PPM1G: variants seen among roughly 807,000 people sequenced by gnomAD.
The protein encoded by PPM1G is protein phosphatase 1G.
PPM1G carries 12 observed loss-of-function variants against 59.4 expected under a neutral mutation model. The ratio of observed to expected loss-of-function variants is 0.20; its 90% CI spans 0.13 to 0.33. The LOEUF (loss-of-function observed/expected upper bound fraction) is 0.33, where lower values mean the gene tolerates loss of function less well. PPM1G is among the 10% of genes least tolerant of loss of function. PPM1G has a pLI of 1.00. For synonymous variants in PPM1G, 245 were observed against 251.9 expected (o/e 0.97, Z 0.26); for missense variants, 392 against 681.3 (o/e 0.58, Z 4.73).
At chr2:27,400,773 G>A (rs1684162293) in intron 1 of PPM1G, among the ~76,000 whole-genome samples, 1 of 152,176 alleles carries the variant, frequency 6.6e-6, no homozygotes, top group Admixed American at 6.6e-5. Context: ...AAATGGGAGT[G>A]CCTAAAAGAA....
intron 1 of PPM1G, among the ~76,000 whole-genome samples, 171 bp from the exon 2 acceptor site, chr2:27,387,329 G>A (rs1348653354): frequency 1.3e-5 from 2 of 152,046 alleles, no homozygotes; most frequent in East Asian, 1.9e-4. Context: ...AGAGGAGGGA[G>A]GCAAAGGAGG....
Position 27,385,656 on chromosome 2 carries a change from G to A in PPM1G, c.409+91C>T, listed in dbSNP as rs11883854. 2.0e-6 allele frequency: 3 copies of A among 1,511,528 alleles called. No homozygotes were observed. In the South Asian group the frequency reaches 4.0e-5, roughly 20 times the overall value. The allele number at this position is 1,511,528 out of a possible 1,614,324, so 93.6% of individuals were successfully genotyped here. ...AACATAAGGACTCCCCAGGTCCCTA[G>A]AAAGCCATCCTATCTTAGAATTGAT... On this transcript the variant is annotated intron_variant, in intron 4 of 9. Coordinates refer to ENST00000344034, the MANE Select transcript of PPM1G (RefSeq NM_177983.3). The surrounding 1 kb of genome is among the most constrained non-coding windows in gnomAD (Gnocchi z 4.1).
At position 27,385,740 on chromosome 2, in the gene PPM1G, C is replaced by G; in HGVS notation, c.409+7G>C. The G allele has an allele frequency of 6.2e-7, 1 of 1,608,468 alleles. No homozygotes were observed. Among genetic ancestry groups the G allele is most frequent in the East Asian group, 2.2e-5 (1 of 44,876 alleles). On this transcript the variant is annotated splice_region_variant and intron_variant, in intron 4 of 9. Transcript: ENST00000344034. This position sits in a 1 kb window ranked among gnomAD's most constrained non-coding sequence, Gnocchi z 4.1. Reference sequence around the variant, plus strand: ...ATTTCCCCTCAAACAAGGGATGCCACACTCACCATCATCTTCATCAGCTAC... The same window carrying G: ...ATTTCCCCTCAAACAAGGGATGCCAGACTCACCATCATCTTCATCAGCTAC...
At chr2:27,397,741 T>G (rs1033348927) in intron 1 of PPM1G, among the ~76,000 whole-genome samples, 2 of 152,152 alleles carry the variant, frequency 1.3e-5, no homozygotes, top group African/African-American at 4.8e-5. Flanking sequence ...TGGTGGTGCA[T>G]GCATGTAATC....
chr2:27,387,227 T>A lies in PPM1G; in HGVS notation c.121-69A>T. The A allele has an allele frequency of 3.8e-6, 5 of 1,299,802 alleles. No homozygotes were observed. The South Asian group carries it at 4.8e-5, about 12-fold the overall frequency. 80.5% of individuals were successfully genotyped at this position (1,299,802 alleles called of 1,614,324 possible). ...ATATTCCTCAGGTCATAGGGATCAA[T>A]GTCACCCCTTACTAACCTTTCCCTG... is the stretch of plus-strand genomic sequence containing the variant. On this transcript the variant is annotated intron_variant, in intron 1 of 9. Coordinates refer to ENST00000344034, the MANE Select transcript of PPM1G (RefSeq NM_177983.3).
At chr2:27,391,607 A>C (rs1370800213) in intron 1 of PPM1G, among the ~76,000 whole-genome samples, 2 of 152,080 alleles carry the variant, frequency 1.3e-5, no homozygotes, top group African/African-American at 4.8e-5. Flanking sequence ...ATTTTCTCCC[A>C]TTCTATAGGT....
chr2:27,386,030 A>C, intron 3 of PPM1G, 151 bp from the exon 4 acceptor site: 1 of 1,265,832 alleles, frequency 7.9e-7, no homozygotes, highest in Non-Finnish European at 1.1e-6. Flanking sequence ...AGGAATAATA[A>C]GGCAAGTCTA....
rs1011266201 is a variant in PPM1G at position 27,384,300 on chromosome 2, A to G, written c.826-208T>C. On this transcript the variant is annotated intron_variant, in intron 5 of 9. Transcript: ENST00000344034. The surrounding 1 kb of genome is among the most constrained non-coding windows in gnomAD (Gnocchi z 4.8). ...ACTGGGCTTAGCAGTCACTAGCAAA[A>G]AGCCCAGGACAAGGCAAGGGCTGCC... 1.3e-5 allele frequency among the ~76,000 whole-genome samples: 2 copies of G among 152,208 alleles called. No individual in the cohort carries two copies. The highest frequency in any genetic ancestry group is 4.8e-5 in the African/African-American group (2 of 41,458).
In PPM1G at chr2:27,384,240, G is replaced by A. The variant is rs1683709320; in HGVS notation, c.826-148C>T. Reference sequence around the variant, plus strand: ...ATATGGTCATGAAAATTGGGGGGATGGAAAGGGCTAGCATGAGTACAACTG... The same window carrying A: ...ATATGGTCATGAAAATTGGGGGGATAGAAAGGGCTAGCATGAGTACAACTG... On this transcript the variant is annotated intron_variant, in intron 5 of 9. Transcript: ENST00000344034. The surrounding 1 kb of genome is among the most constrained non-coding windows in gnomAD (Gnocchi z 4.8). 5 of 1,365,302 alleles carry A rather than the reference G, an allele frequency of 3.7e-6. No individual in the cohort carries two copies. Among genetic ancestry groups the A allele is most frequent in the East Asian group, 2.3e-5 (1 of 43,098 alleles). 84.6% of individuals were successfully genotyped at this position (1,365,302 alleles called of 1,614,324 possible). A position where few individuals can be genotyped will look rare whatever the true frequency, so the allele number is the denominator to read the frequency against.
At chr2:27,409,228 A>T in intron 1 of PPM1G, 75 bp downstream of exon 1, 1 of 1,488,058 alleles carries the variant, frequency 6.7e-7, no homozygotes, top group Non-Finnish European at 8.9e-7. Context: ...CCAGGGGAGG[A>T]CCCCATCCCC....
intron 1 of PPM1G, among the ~76,000 whole-genome samples, chr2:27,402,569 G>A (rs1443069383): frequency 1.3e-5 from 2 of 152,100 alleles, no homozygotes; most frequent in Non-Finnish European, 2.9e-5. Context: ...CACTTTGGGA[G>A]GCCGATGTGG....
In PPM1G at chr2:27,384,100, G is replaced by C. The variant is rs753756473; in HGVS notation, c.826-8C>G. 11 of 1,613,806 alleles carry C rather than the reference G, an allele frequency of 6.8e-6. No homozygotes were observed. Among genetic ancestry groups the C allele is most frequent in the Admixed American group, 1.7e-5 (1 of 59,982 alleles). On this transcript the variant is annotated splice_polypyrimidine_tract_variant and splice_region_variant and intron_variant, in intron 5 of 9. Coordinates refer to ENST00000344034, the MANE Select transcript of PPM1G (RefSeq NM_177983.3). The surrounding 1 kb of genome is among the most constrained non-coding windows in gnomAD (Gnocchi z 4.8). ...CTCTTCCTCGCTGCATTCCTGCCAG[G>C]GGGAGGATCCCAGACTGCTGAGACT...
At position 27,397,965 on chromosome 2, in the gene PPM1G, C is replaced by T. The variant is rs566739347; in HGVS notation, c.121-10807G>A. On this transcript the variant is annotated intron_variant, in intron 1 of 9. Transcript: ENST00000344034. ...TATGAAAAACTCAGTCAGCCAGGCA[C>T]GGTGGCTCATGCCTGTAATACTCCC... is the stretch of plus-strand genomic sequence containing the variant. 1.4e-3 allele frequency among the ~76,000 whole-genome samples: 219 copies of T among 152,258 alleles called. 1 individual carries two copies. Among genetic ancestry groups the T allele is most frequent in the East Asian group, 1.2e-3 (6 of 5,192 alleles).
intron 1 of PPM1G, among the ~76,000 whole-genome samples, chr2:27,405,072 A>ATTTT (rs781356301): frequency 7.8e-6 from 1 of 128,024 alleles, no homozygotes; most frequent in Non-Finnish European, 1.6e-5. Flanking sequence ...AACCTACCTC[A>ATTTT]TTTTTTTTTT....
Position 27,385,214 on chromosome 2 carries a change from C to A in PPM1G, c.410-126G>T. ...AACCTCCCACTCCCAAGGTTCCTCT[C>A]GCTCAAGTCTCAGAAGAACATGCCC... On this transcript the variant is annotated intron_variant, in intron 4 of 9. Transcript: ENST00000344034. The surrounding 1 kb of genome is among the most constrained non-coding windows in gnomAD (Gnocchi z 4.1). The A allele has an allele frequency of 9.1e-7, 1 of 1,102,542 alleles. No individual in the cohort carries two copies. Among genetic ancestry groups the A allele is most frequent in the Non-Finnish European group, 1.3e-6 (1 of 793,946 alleles). The allele number at this position is 1,102,542 out of a possible 1,614,324, so 68.3% of individuals were successfully genotyped here.
chr2:27,392,092 C>CA (rs76478913), intron 1 of PPM1G, among the ~76,000 whole-genome samples: 2,454 of 135,080 alleles, frequency 0.018, 47 homozygotes, highest in African/African-American at 0.056. Flanking sequence ...CAGCAGTCTG[C>CA]AAAAAAAAAA....
chr2:27,392,725 T>G (rs1683946655), intron 1 of PPM1G: 1 of 991,540 alleles, frequency 1.0e-6, no homozygotes, highest in East Asian at 2.4e-5. Flanking sequence ...CCAACATACA[T>G]GCGCTGCCTT....
chr2:27,384,883 G>A lies in PPM1G; in HGVS notation c.615C>T (p.Gly205=), dbSNP rs372242443. 38 of 1,614,116 alleles carry A rather than the reference G, an allele frequency of 2.4e-5. No homozygotes were observed. Among genetic ancestry groups the A allele is most frequent in the Admixed American group, 3.3e-5 (2 of 60,006 alleles). ...STRETPSQEN[G]PTAKAYTGFS... The stretch of plus-strand genomic sequence containing the variant: ...AGCCTGTGTAGGCCTTGGCTGTGGG[G>A]CCATTTTCTTGTGAAGGAGTTTCCC... The change falls in exon 5 of 10, where the codon GGC becomes GGT. Residue 205 remains glycine, a synonymous_variant. Coordinates refer to ENST00000344034, the MANE Select transcript of PPM1G (RefSeq NM_177983.3). The surrounding 1 kb of genome is among the most constrained non-coding windows in gnomAD (Gnocchi z 4.8).
At position 27,383,445 on chromosome 2, in the gene PPM1G, T is replaced by G. The variant is rs774478534; in HGVS notation, c.1122A>C (p.Leu374=). The G allele has an allele frequency of 2.5e-6, 4 of 1,614,200 alleles. No individual in the cohort carries two copies. Among genetic ancestry groups the G allele is most frequent in the Non-Finnish European group, 3.4e-6 (4 of 1,180,038 alleles). ...TGCCACCAGCATTCTTGATGCGTGC[T>G]AGTTCTACTTCATCCTCTGGTTTGT... ...YDHKPEDEVE[L]ARIKNAGGKV... is the part of the protein sequence containing the mutation. Residue 374 remains leucine (L), a synonymous_variant, in exon 7 of 10, where the codon CTA becomes CTC. Transcript: ENST00000344034. This position sits in a 1 kb window ranked among gnomAD's most constrained non-coding sequence, Gnocchi z 5.0.
Sources: allele counts gnomAD v4.1 joint callset (sites outside exome capture counted in the v4.1 genomes callset), GRCh38; gene constraint gnomAD v4.1.1; non-coding constraint Gnocchi (gnomAD v3.1); transcripts MANE v1.5; gene names NCBI Gene and HGNC (gene_info 2026-07-23, HGNC 2026-07-21).